HTR2C: variants seen among roughly 807,000 people sequenced by gnomAD.
The protein encoded by HTR2C is 5-hydroxytryptamine (serotonin) receptor 2C, G protein-coupled.
A neutral mutation model predicts 21.0 loss-of-function variants in HTR2C; 5 were observed. The observed-to-expected ratio is 0.24, with a 90% CI of 0.12 to 0.50. HTR2C has a LOEUF of 0.50. Among genes scored for constraint, HTR2C ranks in the 20% least tolerant of loss-of-function variants. The probability of loss-of-function intolerance (pLI) is 0.98; values close to 1 mark genes in which losing one functional copy is unlikely to be tolerated. For missense variants in HTR2C, 271 were observed against 371.2 expected, an observed-to-expected ratio of 0.73 and a Z score of 2.22; for synonymous variants, 150 against 145.3, an observed-to-expected ratio of 1.03 and a Z score of -0.23.
At chrX:114,815,141 T>C (rs1207841742) in intron 4 of HTR2C, among the ~76,000 whole-genome samples, 4 of 109,236 alleles carry the variant, frequency 3.7e-5, no homozygotes, top group Non-Finnish European at 5.7e-5. Context: ...AAGTGCCTTT[T>C]CTGTACCTCT....
At chrX:114,767,263 C>A (rs2069955757) in intron 4 of HTR2C, among the ~76,000 whole-genome samples, 1 of 110,692 alleles carries the variant, frequency 9.0e-6, no homozygotes, top group Non-Finnish European at 1.9e-5. Context: ...TGAGTTCGTA[C>A]TTAGAGTATA....
intron 4 of HTR2C, among the ~76,000 whole-genome samples, chrX:114,780,244 G>A (rs1439199026): frequency 9.0e-6 from 1 of 110,852 alleles, no homozygotes; most frequent in Non-Finnish European, 1.9e-5. Context: ...ATGAATACCG[G>A]GAAACAACTG....
chrX:114,791,204 A>G (rs975903522), intron 4 of HTR2C, among the ~76,000 whole-genome samples: 4 of 112,698 alleles, frequency 3.5e-5, no homozygotes, highest in Non-Finnish European at 5.6e-5. Context: ...AGAATTGATC[A>G]TAAGATTTGC....
intron 2 of HTR2C, among the ~76,000 whole-genome samples, chrX:114,677,574 C>G (rs1163518788): frequency 9.0e-6 from 1 of 111,328 alleles, no homozygotes; most frequent in Non-Finnish European, 1.9e-5. Flanking sequence ...CATTTTTTGT[C>G]ACCAGTTTCT....
At chrX:114,788,529 T>C (rs1418869171) in intron 4 of HTR2C, among the ~76,000 whole-genome samples, 1 of 111,200 alleles carries the variant, frequency 9.0e-6, no homozygotes, top group Non-Finnish European at 1.9e-5. Flanking sequence ...CCCAAAGTGA[T>C]GGGATTACAG....
intron 5 of HTR2C, among the ~76,000 whole-genome samples, chrX:114,878,317 TA>T (rs1556478887): frequency 9.0e-6 from 1 of 110,718 alleles, no homozygotes; most frequent in East Asian, 2.8e-4. Context: ...CATTAAATGT[TA>T]ACATATTGTA....
chrX:114,642,589 G>T (rs1159184874), intron 2 of HTR2C, among the ~76,000 whole-genome samples: 1 of 111,875 alleles, frequency 8.9e-6, no homozygotes, highest in African/African-American at 3.2e-5. Flanking sequence ...AACACGGGTA[G>T]ATGCCAGTCA....
intron 2 of HTR2C, among the ~76,000 whole-genome samples, chrX:114,657,699 TTA>T (rs1556409486): frequency 9.0e-6 from 1 of 111,364 alleles, no homozygotes; most frequent in Non-Finnish European, 1.9e-5. Context: ...TCTCATTTTT[TTA>T]TATATATTTT....
At chrX:114,902,026 C>T (rs2071340831) in intron 5 of HTR2C, among the ~76,000 whole-genome samples, 1 of 111,110 alleles carries the variant, frequency 9.0e-6, no homozygotes, top group African/African-American at 3.3e-5. Context: ...TCTAGTTTTC[C>T]TCTTTGGCCA....
At chrX:114,718,082 G>T (rs985993260) in intron 2 of HTR2C, among the ~76,000 whole-genome samples, 1 of 110,620 alleles carries the variant, frequency 9.0e-6, no homozygotes, top group Non-Finnish European at 1.9e-5. Flanking sequence ...AAGTGCAGTG[G>T]TGCGATCACG....
At chrX:114,628,405 ATTTT>A (rs35975864) in intron 2 of HTR2C, among the ~76,000 whole-genome samples, 1 of 43,912 alleles carries the variant, frequency 2.3e-5, no homozygotes, top group African/African-American at 9.3e-5. Flanking sequence ...TGCCAGGCTA[ATTTT>A]TTTTTTTTTT....
chrX:114,900,257 A>T, intron 5 of HTR2C: 1 of 141,308 alleles, frequency 7.1e-6, no homozygotes, highest in East Asian at 1.7e-4. Context: ...CAGTTTTACT[A>T]TTAAACTTAA....
chrX:114,794,952 A>G (rs782143443), intron 4 of HTR2C, among the ~76,000 whole-genome samples: 70 of 109,215 alleles, frequency 6.4e-4, no homozygotes, highest in African/African-American at 2.2e-3. Flanking sequence ...GAATCGCCAC[A>G]CTGACTTCCA....
At chrX:114,806,277 TATACACACCATATAG>T (rs1194312132) in intron 4 of HTR2C, among the ~76,000 whole-genome samples, 38 of 99,431 alleles carry the variant, frequency 3.8e-4, no homozygotes, top group African/African-American at 1.3e-3. Context: ...ACACCATATA[TATACACACCATATAG>T]ATACACACCA....
chrX:114,875,878 G>A (rs782216097), intron 5 of HTR2C, among the ~76,000 whole-genome samples: 1 of 104,288 alleles, frequency 9.6e-6, no homozygotes, highest in South Asian at 4.1e-4. Context: ...ACTTAATTCT[G>A]GCTATTTGGG....
chrX:114,664,870 T>C (rs782518650), intron 2 of HTR2C, among the ~76,000 whole-genome samples: 7 of 112,342 alleles, frequency 6.2e-5, no homozygotes, highest in Non-Finnish European at 1.3e-4. Flanking sequence ...TTCAAGCTGT[T>C]CTGTAACTTA....
chrX:114,756,132 C>A (rs1285163386), intron 4 of HTR2C, among the ~76,000 whole-genome samples: 1 of 110,164 alleles, frequency 9.1e-6, no homozygotes, highest in Non-Finnish European at 1.9e-5. Context: ...AAACAACCCC[C>A]CCCAAATCAC....
At chrX:114,661,389 A>C (rs1283147561) in intron 2 of HTR2C, among the ~76,000 whole-genome samples, 1 of 85,850 alleles carries the variant, frequency 1.2e-5, no homozygotes, top group African/African-American at 4.3e-5. Context: ...TAGTTTGAAC[A>C]CTATGAATGA....
chrX:114,906,924 C>G lies in HTR2C; in HGVS notation c.886C>G (p.Pro296Ala). 2.5e-6 allele frequency: 3 copies of G among 1,210,644 alleles called. No individual in the cohort carries two copies. Among genetic ancestry groups the G allele is most frequent in the Non-Finnish European group, 1.1e-6 (1 of 894,801 alleles). The change falls in exon 6 of 6, where the codon CCT becomes GCT. Residue 296 changes from proline to alanine, a missense_variant. Around this residue, in one of 5 missense-constraint regions of HTR2C, gnomAD observed 192 missense variants for 247.2 expected, o/e 0.78. Transcript: ENST00000276198. ...ARRRKKKERR[P>A]RGTMQAINNE... ...CCGAAGAAAGAAGAAGGAGAGACGT[C>G]CTAGGGGCACCATGCAGGCTATCAA...
Sources: gnomAD v4.1 joint callset for allele counts (sites outside exome capture counted in the v4.1 genomes callset) on GRCh38, gnomAD v4.1.1 for gene constraint, gnomAD v4.1.1 regional missense constraint, MANE v1.5 for transcripts, NCBI Gene and HGNC (gene_info 2026-07-23, HGNC 2026-07-21) for gene names.